CEP112: variants seen among roughly 807,000 people sequenced by gnomAD.
CEP112 encodes the protein centrosomal protein of 112 kDa.
Under a neutral mutation model 153.0 loss-of-function variants are expected in CEP112, and 127 were observed. The ratio of observed to expected loss-of-function variants is 0.83; its 90% CI spans 0.72 to 0.96. CEP112 has a LOEUF of 0.96. Ranked by LOEUF, CEP112 falls within the 40% of genes least tolerant of loss-of-function variation. The pLI is 0.00. For synonymous variants in CEP112, 358 were observed against 374.4 expected (o/e 0.96, Z 0.51); for missense variants, 1,089 against 1,101.2 (o/e 0.99, Z 0.16).
chr17:65,817,369 G>A (rs1358264305), intron 21 of CEP112, among the ~76,000 whole-genome samples: 1 of 151,656 alleles, frequency 6.6e-6, no homozygotes, highest in Non-Finnish European at 1.5e-5. Context: ...CTAAAATATG[G>A]GACTGAAACA....
intron 23 of CEP112, among the ~76,000 whole-genome samples, chr17:65,735,946 C>A (rs2050779803): frequency 6.6e-6 from 1 of 152,030 alleles, no homozygotes; most frequent in Non-Finnish European, 1.5e-5. Context: ...TAGGTTTTAT[C>A]CTGTAGGTAA....
rs190319352 is a variant in CEP112 at position 65,746,641 on chromosome 17, T to C, written c.2458-3424A>G. Among the ~76,000 whole-genome samples the C allele has an allele frequency of 2.3e-3, 355 of 152,304 alleles. 12 individuals are homozygous for C. Among genetic ancestry groups the C allele is most frequent in the Admixed American group, 0.022 (341 of 15,288 alleles). Reference sequence around the variant, plus strand: ...ACTACTTTCTCCTTAGCTCAGTGTATGTAATAACTGGCACCCAGTTTAAGT... The same window carrying C: ...ACTACTTTCTCCTTAGCTCAGTGTACGTAATAACTGGCACCCAGTTTAAGT... On this transcript the variant is annotated intron_variant, in intron 22 of 26. Coordinates refer to ENST00000535342, the MANE Select transcript of CEP112 (RefSeq NM_001199165.4).
At chr17:65,837,897 G>T (rs189760945) in intron 21 of CEP112, among the ~76,000 whole-genome samples, 1 of 152,038 alleles carries the variant, frequency 6.6e-6, no homozygotes, top group Admixed American at 6.6e-5. Context: ...CAGCATACTC[G>T]TTAAGAGTCA....
rs545818320 is a variant in CEP112, at chr17:65,697,984, G to A, written c.2608-8766C>T. ...ATTTTCCCCTATGGCTTATGTTCAGGTTTTCAGTTTTTTTTCACATCCAAG... is the reference window on the plus strand; with the variant it reads ...ATTTTCCCCTATGGCTTATGTTCAGATTTTCAGTTTTTTTTCACATCCAAG... On this transcript the variant is annotated intron_variant, in intron 23 of 26. Transcript: ENST00000535342. 2.6e-4 allele frequency among the ~76,000 whole-genome samples: 40 copies of A among 151,466 alleles called. No individual in the cohort carries two copies. In the South Asian group the frequency reaches 3.5e-3, roughly 13 times the overall value.
At chr17:65,779,603 C>A (rs1598558898) in intron 21 of CEP112, among the ~76,000 whole-genome samples, 1 of 152,122 alleles carries the variant, frequency 6.6e-6, no homozygotes, top group African/African-American at 2.4e-5. Flanking sequence ...AAAACATCTG[C>A]AAATGTCACT....
At chr17:66,054,899 G>A (rs12451127) in intron 11 of CEP112, among the ~76,000 whole-genome samples, 62,392 of 151,906 alleles carry the variant, frequency 0.41, 14,277 homozygotes, top group East Asian at 0.87. Context: ...TGGGATCAAA[G>A]GCAGCCGCCA....
At chr17:65,778,664 T>G (rs1167203168) in intron 21 of CEP112, among the ~76,000 whole-genome samples, 1 of 152,214 alleles carries the variant, frequency 6.6e-6, no homozygotes, top group Non-Finnish European at 1.5e-5. Context: ...AAAAGATGGC[T>G]ATTTCTTTAT....
chr17:66,123,887 AATT>A (rs2069717231), intron 6 of CEP112, among the ~76,000 whole-genome samples: 1 of 152,140 alleles, frequency 6.6e-6, no homozygotes, highest in African/African-American at 2.4e-5. Context: ...TGATCTGAAA[AATT>A]ATTATCTTAA....
intron 21 of CEP112, among the ~76,000 whole-genome samples, chr17:65,772,209 T>C (rs1158541952): frequency 6.6e-6 from 1 of 151,946 alleles, no homozygotes. Context: ...TGAAAAAGAA[T>C]AGCAAATTAA....
chr17:66,019,930 G>T (rs373378757), intron 16 of CEP112, among the ~76,000 whole-genome samples: 3 of 152,216 alleles, frequency 2.0e-5, no homozygotes, highest in Non-Finnish European at 2.9e-5. Flanking sequence ...CCCAAGAAAA[G>T]ATAATGGTAG....
At chr17:65,807,779 T>C (rs1245302145) in intron 21 of CEP112, among the ~76,000 whole-genome samples, 2 of 152,202 alleles carry the variant, frequency 1.3e-5, no homozygotes, top group Admixed American at 6.5e-5. Flanking sequence ...TGAGGATGTA[T>C]GGAAATGCCT....
chr17:65,928,936 A>G (rs900235605), intron 18 of CEP112, among the ~76,000 whole-genome samples: 1 of 152,228 alleles, frequency 6.6e-6, no homozygotes, highest in Non-Finnish European at 1.5e-5. Context: ...GACAGCATTA[A>G]GCTAAGTGTC....
At chr17:65,899,899 C>T (rs1373654070) in intron 20 of CEP112, among the ~76,000 whole-genome samples, 3 of 152,104 alleles carry the variant, frequency 2.0e-5, no homozygotes, top group Non-Finnish European at 4.4e-5. Context: ...CATCAAACTA[C>T]AACACAGTGA....
At chr17:65,878,042 T>C (rs74342279) in intron 20 of CEP112, among the ~76,000 whole-genome samples, 21,536 of 152,150 alleles carry the variant, frequency 0.14, 1,569 homozygotes, top group African/African-American at 0.16. Context: ...CCAGGGAGCA[T>C]TGGGAAGTGT....
intron 19 of CEP112, among the ~76,000 whole-genome samples, chr17:65,906,821 C>A (rs1055133812): frequency 6.6e-5 from 10 of 152,216 alleles, no homozygotes; most frequent in Middle Eastern, 3.4e-3. Context: ...GCTCAGGAAG[C>A]TGAGTGAATG....
chr17:66,028,015 GTAATT>G (rs2065294729), intron 15 of CEP112, among the ~76,000 whole-genome samples: 2 of 151,510 alleles, frequency 1.3e-5, no homozygotes, highest in Admixed American at 1.3e-4. Flanking sequence ...AGATTGGCAG[GTAATT>G]TAAAAGAAGG....
At position 65,841,456 on chromosome 17, in the gene CEP112, A is replaced by G. The variant is rs376083732; in HGVS notation, c.2394+10348T>C. 9.5e-4 allele frequency among the ~76,000 whole-genome samples: 145 copies of G among 152,134 alleles called. 1 individual carries two copies. The Middle Eastern group carries it at 0.02, about 21-fold the overall frequency. On this transcript the variant is annotated intron_variant, in intron 21 of 26. Coordinates refer to ENST00000535342, the MANE Select transcript of CEP112 (RefSeq NM_001199165.4). ...TGTGGGAGCTAAAAAAGTGGATCTC[A>G]TGCAGGTGAGAGTAGAATGACAGTT...
intron 16 of CEP112, among the ~76,000 whole-genome samples, chr17:66,019,380 G>C (rs1056563345): frequency 1.3e-5 from 2 of 152,098 alleles, no homozygotes; most frequent in Non-Finnish European, 2.9e-5. Context: ...CAGAGCTACG[G>C]AAGATTTATG....
intron 21 of CEP112, among the ~76,000 whole-genome samples, chr17:65,784,901 G>A (rs920053305): frequency 6.6e-6 from 1 of 151,816 alleles, no homozygotes; most frequent in Non-Finnish European, 1.5e-5. Context: ...TTATCACCAC[G>A]ACAAAATTCT....
Sources: gnomAD v4.1 joint callset for allele counts (sites outside exome capture counted in the v4.1 genomes callset) on GRCh38, gnomAD v4.1.1 for gene constraint, MANE v1.5 for transcripts, NCBI Gene and HGNC (gene_info 2026-07-23, HGNC 2026-07-21) for gene names.